The following AGBL1 variants were observed in gnomAD, a reference collection of about 807,000 sequenced individuals.
AGBL1 encodes AGBL carboxypeptidase 1.
AGBL1 carries 130 observed loss-of-function variants against 118.9 expected under a neutral mutation model. The observed-to-expected ratio is 1.09, with a 90% CI of 0.95 to 1.26. The LOEUF is 1.26. Ranked by LOEUF, AGBL1 falls within the 50% of genes most tolerant of loss-of-function variation. The pLI is 0.00. For synonymous variants in AGBL1, 555 were observed against 478.9 expected (o/e 1.16, Z -2.08); for missense variants, 1,584 against 1,298.1 (o/e 1.22, Z -3.38).
chr15:86,374,180 T>G (rs1390897869), intron 17 of AGBL1, among the ~76,000 whole-genome samples: 1 of 152,258 alleles, frequency 6.6e-6, no homozygotes, highest in African/African-American at 2.4e-5. Flanking sequence ...TTCTAAATTC[T>G]AATCCGCAGG....
intron 16 of AGBL1, among the ~76,000 whole-genome samples, chr15:86,291,692 G>C (rs1331524116): frequency 6.6e-6 from 1 of 152,172 alleles, no homozygotes; most frequent in Non-Finnish European, 1.5e-5. Flanking sequence ...ATCCATCTCA[G>C]CCTAGGAATA....
intron 22 of AGBL1, among the ~76,000 whole-genome samples, chr15:86,677,239 G>A (rs545061363): frequency 6.6e-6 from 1 of 152,166 alleles, no homozygotes; most frequent in Non-Finnish European, 1.5e-5. Context: ...CAAGAGCAGA[G>A]GAAGAGCAGA....
At chr15:86,519,517 A>G (rs2083160635) in intron 18 of AGBL1, among the ~76,000 whole-genome samples, 1 of 152,248 alleles carries the variant, frequency 6.6e-6, no homozygotes, top group Admixed American at 6.5e-5. Flanking sequence ...TTATTAACAC[A>G]AAATGCCAAA....
chr15:86,505,560 T>G (rs1291355697), intron 18 of AGBL1, among the ~76,000 whole-genome samples: 2 of 152,068 alleles, frequency 1.3e-5, no homozygotes, highest in East Asian at 3.9e-4. Context: ...CTGTAGTGAT[T>G]TGTAAATTTC....
At chr15:86,202,510 T>A (rs772394612) in intron 5 of AGBL1, among the ~76,000 whole-genome samples, 2 of 152,156 alleles carry the variant, frequency 1.3e-5, no homozygotes, top group South Asian at 2.1e-4. Flanking sequence ...AGCCTCAGAT[T>A]TGTTGTAAAA....
intron 23 of AGBL1, among the ~76,000 whole-genome samples, chr15:86,934,733 A>G (rs918092822): frequency 2.6e-5 from 4 of 152,204 alleles, no homozygotes; most frequent in Admixed American, 1.3e-4. Flanking sequence ...CACACAATAA[A>G]TGTTGCCTTT....
chr15:86,276,625 G>A lies in AGBL1; in HGVS notation c.2076-3014G>A, dbSNP rs139303269. Among the ~76,000 whole-genome samples the A allele has an allele frequency of 2.7e-3, 412 of 152,272 alleles. 2 individuals carry two copies. Among genetic ancestry groups the A allele is most frequent in the African/African-American group, 9.5e-3 (394 of 41,562 alleles). On this transcript the variant is annotated intron_variant, in intron 15 of 22. Coordinates refer to ENST00000614907, the MANE Select transcript of AGBL1 (RefSeq NM_001386094.1). ...CCATAAAGTATTGGCCATGAGAATA[G>A]GAGTGATAAGGGGGCTATCAGGGCA...
At chr15:86,729,082 A>G (rs74401361) in intron 22 of AGBL1, among the ~76,000 whole-genome samples, 9 of 152,176 alleles carry the variant, frequency 5.9e-5, no homozygotes, top group African/African-American at 1.7e-4. Flanking sequence ...GCTCCCTCCA[A>G]TAGAGTCTCC....
intron 18 of AGBL1, among the ~76,000 whole-genome samples, chr15:86,522,138 C>T (rs2083197319): frequency 6.6e-6 from 1 of 152,144 alleles, no homozygotes; most frequent in Admixed American, 6.5e-5. Flanking sequence ...ATACGAACAT[C>T]ATCATTCCCC....
intron 22 of AGBL1, among the ~76,000 whole-genome samples, chr15:86,880,887 G>T (rs1180319676): frequency 1.3e-5 from 2 of 152,068 alleles, no homozygotes; most frequent in African/African-American, 4.8e-5. Context: ...TACAGCCTCC[G>T]TGGTTCTTAC....
chr15:86,543,753 G>A (rs1032484719), intron 19 of AGBL1, among the ~76,000 whole-genome samples: 1 of 152,204 alleles, frequency 6.6e-6, no homozygotes, highest in African/African-American at 2.4e-5. Flanking sequence ...AAGGATACAG[G>A]CATCTCACAA....
chr15:86,765,249 A>G (rs1236844893), intron 22 of AGBL1, among the ~76,000 whole-genome samples: 2 of 151,922 alleles, frequency 1.3e-5, no homozygotes, highest in African/African-American at 4.8e-5. Flanking sequence ...TCCCCTTGCA[A>G]AAAATATGCT....
chr15:86,124,696 G>C (rs751877769), intron 1 of AGBL1, among the ~76,000 whole-genome samples: 1 of 152,094 alleles, frequency 6.6e-6, no homozygotes. Context: ...TTTGATTGTT[G>C]GCTCAAACAC....
Position 86,941,223 on chromosome 15 carries a change from T to A in AGBL1, c.3222-46764T>A, listed in dbSNP as rs1044969727. Among the ~76,000 whole-genome samples the A allele has an allele frequency of 9.2e-5, 14 of 152,238 alleles. 2 individuals are homozygous for A. Among genetic ancestry groups the A allele is most frequent in the Admixed American group, 9.2e-4 (14 of 15,288 alleles). On this transcript the variant is annotated intron_variant, in intron 23 of 24. Coordinates refer to the AGBL1 transcript ENST00000441037. The stretch of plus-strand genomic sequence containing the variant: ...CTCTTTGGCTTTTGGTTAAATATTC[T>A]GAGACTCTTTTCCTCCACATTTGAA...
rs186618327 is a variant in AGBL1 at position 86,509,862 on chromosome 15, C to G, written c.2556-12948C>G. Among the ~76,000 whole-genome samples, 411 of 151,110 alleles carry G rather than the reference C, an allele frequency of 2.7e-3. 1 individual carries two copies. The highest frequency in any genetic ancestry group is 6.8e-3 in the Middle Eastern group (2 of 292). ...TTAAAAACAACAACAGCAAAACAAA[C>G]AAAACAACATCTCTGAGCCAACCAA... is the stretch of plus-strand genomic sequence containing the variant. On this transcript the variant is annotated intron_variant, in intron 18 of 22. Transcript: ENST00000614907.
intron 19 of AGBL1, among the ~76,000 whole-genome samples, chr15:86,525,128 C>T (rs1349482491): frequency 3.3e-5 from 5 of 151,082 alleles, no homozygotes; most frequent in Non-Finnish European, 7.4e-5. Context: ...AGAATAAAAT[C>T]AAGAACTCCG....
At chr15:86,990,916 A>G (rs1157879130) in intron 24 of AGBL1, among the ~76,000 whole-genome samples, 2 of 152,278 alleles carry the variant, frequency 1.3e-5, no homozygotes, top group East Asian at 1.9e-4. Flanking sequence ...TTATCTGGCT[A>G]TGATTCTAGG....
At chr15:86,626,805 T>A (rs1247282578) in intron 21 of AGBL1, among the ~76,000 whole-genome samples, 1 of 151,182 alleles carries the variant, frequency 6.6e-6, no homozygotes, top group African/African-American at 2.4e-5. Context: ...TGGTGGACAA[T>A]GGAGAACCAA....
chr15:86,345,323 T>C (rs2080520666), intron 17 of AGBL1, among the ~76,000 whole-genome samples: 1 of 152,178 alleles, frequency 6.6e-6, no homozygotes, highest in South Asian at 2.1e-4. Context: ...CCCCTGGTGT[T>C]TAACCTCCCA....
Sources: gnomAD v4.1 joint callset for allele counts (sites outside exome capture counted in the v4.1 genomes callset) on GRCh38, gnomAD v4.1.1 for gene constraint, MANE v1.5 for transcripts, NCBI Gene and HGNC (gene_info 2026-07-23, HGNC 2026-07-21) for gene names.